The following HORMAD2 variants were observed in gnomAD, a reference collection of about 807,000 sequenced individuals.
HORMAD2 encodes the protein HORMA domain containing 2, also known as HORMA domain-containing protein 2.
HORMAD2 carries 45 observed loss-of-function variants against 38.8 expected under a neutral mutation model. The ratio of observed to expected loss-of-function variants is 1.16; its 90% CI spans 0.91 to 1.49. The LOEUF (loss-of-function observed/expected upper bound fraction) is 1.49, where lower values mean the gene tolerates loss of function less well. Among genes scored for constraint, HORMAD2 ranks in the 40% most tolerant of loss-of-function variants. The pLI, the probability that HORMAD2 is intolerant of heterozygous loss-of-function variation, is 0.00. For missense variants in HORMAD2, 338 were observed against 367.0 expected (o/e 0.92, Z 0.65); for synonymous variants, 126 against 122.8 (o/e 1.03, Z -0.17).
the HORMAD2 span, among the ~76,000 whole-genome samples, chr22:30,201,538 C>A: frequency 1.3e-5 from 2 of 151,888 alleles, no homozygotes; most frequent in Non-Finnish European, 2.9e-5. Context: ...CTGCCTCAGC[C>A]TCCCGAGTAG....
At chr22:30,125,732 T>A (rs997819794) in intron 10 of HORMAD2, among the ~76,000 whole-genome samples, 2 of 152,218 alleles carry the variant, frequency 1.3e-5, no homozygotes, top group Admixed American at 1.3e-4. Flanking sequence ...AAAGTTTATT[T>A]TCATTTATGG....
chr22:30,183,425 C>A, the HORMAD2 span, among the ~76,000 whole-genome samples: 5 of 152,166 alleles, frequency 3.3e-5, no homozygotes, highest in African/African-American at 7.2e-5. Context: ...GTGTTACAGG[C>A]CTGCATGCCC....
chr22:30,105,513 C>T (rs1921124118), intron 5 of HORMAD2: 1 of 152,334 alleles, frequency 6.6e-6, no homozygotes, highest in African/African-American at 2.4e-5. Flanking sequence ...TCCTCAATTC[C>T]TGTTCCTTTA....
chr22:30,103,015 C>T (rs867157213), intron 3 of HORMAD2, among the ~76,000 whole-genome samples: 4 of 151,988 alleles, frequency 2.6e-5, no homozygotes, highest in African/African-American at 9.7e-5. Flanking sequence ...TGAGAATAAT[C>T]CGTGTGAAAT....
intron 10 of HORMAD2, among the ~76,000 whole-genome samples, chr22:30,136,009 A>G (rs530605973): frequency 1.1e-4 from 16 of 152,318 alleles, no homozygotes; most frequent in African/African-American, 3.6e-4. Flanking sequence ...AAATTAGTAG[A>G]TAAGGACTTT....
intron 10 of HORMAD2, among the ~76,000 whole-genome samples, chr22:30,131,191 G>A (rs1923259888): frequency 6.6e-6 from 1 of 152,112 alleles, no homozygotes. Context: ...CTTCTTTCTA[G>A]TAGAAATAAT....
intron 10 of HORMAD2, among the ~76,000 whole-genome samples, chr22:30,133,985 A>G (rs1315499426): frequency 6.6e-6 from 1 of 152,126 alleles, no homozygotes; most frequent in Non-Finnish European, 1.5e-5. Context: ...TTTCTGCCCA[A>G]TGGAGGGCTC....
intron 5 of HORMAD2, chr22:30,105,482 C>G (rs995750513): frequency 6.6e-6 from 1 of 152,554 alleles, no homozygotes; most frequent in Non-Finnish European, 1.5e-5. Flanking sequence ...CCCACTTTCT[C>G]CATCTATGTC....
intron 10 of HORMAD2, among the ~76,000 whole-genome samples, chr22:30,143,092 GC>G: frequency 6.6e-6 from 1 of 152,110 alleles, no homozygotes; most frequent in East Asian, 1.9e-4. Flanking sequence ...GCTTCTTTGT[GC>G]TATTATTGGC....
At chr22:30,133,051 C>T (rs531486296) in intron 10 of HORMAD2, among the ~76,000 whole-genome samples, 1 of 152,054 alleles carries the variant, frequency 6.6e-6, no homozygotes, top group Non-Finnish European at 1.5e-5. Flanking sequence ...ACAATGTTAT[C>T]ATTACACCAA....
intron 10 of HORMAD2, among the ~76,000 whole-genome samples, chr22:30,124,142 A>G (rs1222446158): frequency 6.6e-6 from 1 of 151,974 alleles, no homozygotes; most frequent in African/African-American, 2.4e-5. Flanking sequence ...TAGTTGATTG[A>G]AGTTTCTCTC....
intron 7 of HORMAD2, among the ~76,000 whole-genome samples, chr22:30,117,787 T>G (rs960089081): frequency 2.0e-5 from 3 of 152,220 alleles, no homozygotes; most frequent in Non-Finnish European, 4.4e-5. Context: ...ATGCTGGGAT[T>G]ATGGGCGTGA....
At chr22:30,104,517 G>C in intron 5 of HORMAD2, 80 bp downstream of exon 5, 1 of 1,237,346 alleles carries the variant, frequency 8.1e-7, no homozygotes, top group Non-Finnish European at 1.2e-6. Context: ...CATTTATTTT[G>C]TTTTTGTGTT....
intron 10 of HORMAD2, among the ~76,000 whole-genome samples, chr22:30,158,572 C>T (rs1925237146): frequency 1.3e-5 from 1 of 79,550 alleles, no homozygotes; most frequent in African/African-American, 6.8e-5. Flanking sequence ...CCCTCCCTTC[C>T]CCTTCCCCTT....
intron 7 of HORMAD2, 76 bp from the exon 8 acceptor site, chr22:30,118,900 GTTCC>G: frequency 1.1e-6 from 1 of 912,012 alleles, no homozygotes; most frequent in Non-Finnish European, 1.7e-6. Flanking sequence ...CAGTGAAAAT[GTTCC>G]TTACTTATGA....
At chr22:30,167,599 C>T (rs151219148) in intron 10 of HORMAD2, among the ~76,000 whole-genome samples, 1 of 152,172 alleles carries the variant, frequency 6.6e-6, no homozygotes, top group African/African-American at 2.4e-5. Flanking sequence ...CTGTTTTCCA[C>T]CTTTGATGAC....
At chr22:30,123,541 C>G (rs550005105) in intron 10 of HORMAD2, among the ~76,000 whole-genome samples, 4 of 151,888 alleles carry the variant, frequency 2.6e-5, no homozygotes, top group African/African-American at 9.7e-5. Context: ...CTCACTGTTA[C>G]CAGGGCTGGT....
intron 7 of HORMAD2, among the ~76,000 whole-genome samples, chr22:30,116,170 G>A (rs1270552719): frequency 1.3e-5 from 2 of 152,132 alleles, no homozygotes; most frequent in African/African-American, 4.8e-5. Flanking sequence ...GGAATCTTGG[G>A]TGTTTGAGCA....
chr22:30,149,327 T>C (rs2146196254), intron 10 of HORMAD2, among the ~76,000 whole-genome samples: 2 of 152,360 alleles, frequency 1.3e-5, no homozygotes, highest in East Asian at 3.9e-4. Flanking sequence ...ACATGGCTAC[T>C]AGAATTTAAA....
Sources: allele counts gnomAD v4.1 joint callset (sites outside exome capture counted in the v4.1 genomes callset), GRCh38; gene constraint gnomAD v4.1.1; transcripts MANE v1.5; gene names NCBI Gene and HGNC (gene_info 2026-07-23, HGNC 2026-07-21).